Variants in RYR2 observed in about 807,000 individuals in gnomAD.
The protein encoded by RYR2 is ryanodine receptor 2.
A neutral mutation model predicts 601.1 loss-of-function variants in RYR2; 227 were observed. That is an observed-to-expected ratio of 0.38 (90% CI 0.34 to 0.42). The LOEUF is 0.42. RYR2 is among the 10% of genes least tolerant of loss of function. The pLI is 1.00. For synonymous variants in RYR2, 2,223 were observed against 2,175.1 expected (o/e 1.02, Z -0.61); for missense variants, 4,646 against 6,156.5 (o/e 0.75, Z 8.21).
intron 1 of RYR2, among the ~76,000 whole-genome samples, chr1:237,208,966 A>ATATATATATG (rs1682184821): frequency 9.4e-6 from 1 of 105,896 alleles, no homozygotes; most frequent in Non-Finnish European, 2.0e-5. Flanking sequence ...ATATATATAT[A>ATATATATATG]TATATATATA....
At chr1:237,724,599 C>T (rs1055810680) in intron 74 of RYR2, among the ~76,000 whole-genome samples, 10 of 151,708 alleles carry the variant, frequency 6.6e-5, no homozygotes, top group Admixed American at 2.6e-4. Flanking sequence ...GAATAACTTA[C>T]GTAATATTTT....
At chr1:237,805,371 G>A (rs1025669021) in intron 98 of RYR2, among the ~76,000 whole-genome samples, 2 of 152,040 alleles carry the variant, frequency 1.3e-5, no homozygotes, top group Non-Finnish European at 2.9e-5. Flanking sequence ...ACGAGGTTAG[G>A]AGATCAAGAC....
chr1:237,528,758 G>A (rs550159713), intron 24 of RYR2, among the ~76,000 whole-genome samples: 8 of 152,128 alleles, frequency 5.3e-5, no homozygotes, highest in Middle Eastern at 3.4e-3. Context: ...TTTGTCTCTC[G>A]GTCTGGACTC....
chr1:237,788,275 G>A, intron 92 of RYR2, 140 bp downstream of exon 92: 1 of 636,004 alleles, frequency 1.6e-6, no homozygotes, highest in Non-Finnish European at 2.7e-6. Context: ...TTTGCTCATT[G>A]TAGTGTGTTT....
chr1:237,070,808 T>C (rs1664220833), intron 1 of RYR2, among the ~76,000 whole-genome samples: 1 of 152,190 alleles, frequency 6.6e-6, no homozygotes, highest in African/African-American at 2.4e-5. Flanking sequence ...TCAGACCTAC[T>C]GCAAGTGGCT....
intron 62 of RYR2, 89 bp from the exon 63 acceptor site, chr1:237,687,366 C>CTTCT: frequency 3.9e-6 from 1 of 257,684 alleles, no homozygotes; most frequent in Non-Finnish European, 7.1e-6. Flanking sequence ...TTTTCTTCTT[C>CTTCT]TTTTTTTTTT....
intron 2 of RYR2, among the ~76,000 whole-genome samples, chr1:237,286,506 C>T (rs991054108): frequency 7.1e-5 from 3 of 42,506 alleles, no homozygotes; most frequent in East Asian, 8.9e-4. Flanking sequence ...TGAAATGCTC[C>T]GTATATATCT....
chr1:237,387,914 C>A (rs1177814993), intron 9 of RYR2, among the ~76,000 whole-genome samples, 173 bp from the exon 10 acceptor site: 1 of 147,094 alleles, frequency 6.8e-6, no homozygotes. Flanking sequence ...CTCGGGCACC[C>A]AGGACTCAGA....
At chr1:237,062,787 T>C (rs1394760699) in intron 1 of RYR2, among the ~76,000 whole-genome samples, 31 of 152,304 alleles carry the variant, frequency 2.0e-4, no homozygotes, top group Admixed American at 2.0e-3. Context: ...TCCCTCAGTT[T>C]CAGGGAAAAC....
At chr1:237,270,258 A>G (rs1051189973) in intron 1 of RYR2, 6 of 636,248 alleles carry the variant, frequency 9.4e-6, no homozygotes, top group African/African-American at 9.0e-5. Flanking sequence ...AAAACTACTG[A>G]TTGCCTTGAA....
chr1:237,406,180 C>CTCCCTTCCCCTCCCCTCCCCTCCCT (rs1703862872), intron 10 of RYR2, among the ~76,000 whole-genome samples: 1 of 65,744 alleles, frequency 1.5e-5, no homozygotes, highest in African/African-American at 8.0e-5. Context: ...CTTCCCTCCC[C>CTCCCTTCCCCTCCCCTCCCCTCCCT]TCCCCTCCCC....
chr1:237,254,819 C>T (rs1374492949), intron 1 of RYR2, among the ~76,000 whole-genome samples: 1 of 152,196 alleles, frequency 6.6e-6, no homozygotes, highest in African/African-American at 2.4e-5. Context: ...AATTACCAGG[C>T]TGATCCTAAG....
At chr1:237,044,685 C>T (rs1660338607) in intron 1 of RYR2, among the ~76,000 whole-genome samples, 1 of 148,062 alleles carries the variant, frequency 6.8e-6, no homozygotes, top group Admixed American at 6.7e-5. Flanking sequence ...AAAAGGAAAA[C>T]ATGCCTTTCC....
chr1:237,272,317 C>T (rs1014595152), intron 2 of RYR2, among the ~76,000 whole-genome samples: 16 of 144,382 alleles, frequency 1.1e-4, no homozygotes, highest in East Asian at 2.1e-4. Context: ...AGAGAAGGAT[C>T]GAACCAAAAA....
chr1:237,060,058 T>A (rs1662652189), intron 1 of RYR2, among the ~76,000 whole-genome samples: 1 of 152,196 alleles, frequency 6.6e-6, no homozygotes, highest in Non-Finnish European at 1.5e-5. Context: ...TCCTTCAAAG[T>A]CTGTGTCAAA....
At chr1:237,514,918 G>A (rs1246671073) in intron 24 of RYR2, among the ~76,000 whole-genome samples, 1 of 152,200 alleles carries the variant, frequency 6.6e-6, no homozygotes, top group African/African-American at 2.4e-5. Flanking sequence ...AATATATCAT[G>A]GGAGGGATGA....
intron 1 of RYR2, among the ~76,000 whole-genome samples, chr1:237,250,350 T>A (rs17627087): frequency 0.045 from 6,903 of 152,320 alleles, 176 homozygotes; most frequent in African/African-American, 0.059. Context: ...AATACTCAAC[T>A]CAGCATGTCC....
chr1:237,625,853 T>C, intron 40 of RYR2, 49 bp downstream of exon 40: 1 of 1,591,440 alleles, frequency 6.3e-7, no homozygotes. Context: ...TGCTGACACT[T>C]AACTCATCCT....
At chr1:237,414,178 A>T (rs2150013465) in intron 10 of RYR2, among the ~76,000 whole-genome samples, 1 of 152,334 alleles carries the variant, frequency 6.6e-6, no homozygotes. Context: ...GTGTCTATTT[A>T]TATATGTGTG....
Sources: allele counts gnomAD v4.1 joint callset (sites outside exome capture counted in the v4.1 genomes callset), GRCh38; gene constraint gnomAD v4.1.1; transcripts MANE v1.5; gene names NCBI Gene and HGNC (gene_info 2026-07-23, HGNC 2026-07-21).